IQCM: variants seen among roughly 807,000 people sequenced by gnomAD.
IQCM encodes the protein IQ domain-containing protein M.
In IQCM, 45 loss-of-function variants were observed where a neutral mutation model predicts 57.6. The ratio of observed to expected loss-of-function variants is 0.78; its 90% CI spans 0.62 to 1.00. IQCM has a LOEUF of 1.00. Among genes scored for constraint, IQCM ranks in the 50% least tolerant of loss-of-function variants. The probability of loss-of-function intolerance (pLI) is 0.00; values close to 1 mark genes in which losing one functional copy is unlikely to be tolerated. For synonymous variants in IQCM, 148 were observed against 158.9 expected (o/e 0.93, Z 0.51); for missense variants, 468 against 511.6 (o/e 0.91, Z 0.82).
At chr4:149,676,243 A>AT (rs1561142458) in intron 7 of IQCM, among the ~76,000 whole-genome samples, 1 of 152,068 alleles carries the variant, frequency 6.6e-6, no homozygotes, top group Non-Finnish European at 1.5e-5. Flanking sequence ...GGCTACAGTT[A>AT]TTGTATTTAC....
Position 149,492,960 on chromosome 4 carries a change from C to A in IQCM, c.1228+55495G>T, listed in dbSNP as rs73859751. On this transcript the variant is annotated intron_variant, in intron 12 of 13. Coordinates refer to ENST00000636793, the MANE Select transcript of IQCM (RefSeq NM_001363507.2). ...GACCCCTGACTGCATGTGGCCCATG[C>A]CACTGGTGTGTTCCTGATGTCCATC... is the stretch of plus-strand genomic sequence containing the variant. 2.9e-3 allele frequency among the ~76,000 whole-genome samples: 440 copies of A among 152,214 alleles called. 2 individuals carry two copies. Among genetic ancestry groups the A allele is most frequent in the African/African-American group, 0.01 (424 of 41,566 alleles).
intron 12 of IQCM, among the ~76,000 whole-genome samples, chr4:149,479,512 T>C (rs1740550788): frequency 6.6e-6 from 1 of 152,212 alleles, no homozygotes; most frequent in Non-Finnish European, 1.5e-5. Context: ...ATAGGCACTC[T>C]TATTATTTCC....
chr4:149,778,862 C>T (rs370074733), intron 2 of IQCM, among the ~76,000 whole-genome samples: 11 of 152,038 alleles, frequency 7.2e-5, no homozygotes, highest in East Asian at 1.9e-4. Context: ...TTAACACTCT[C>T]GAAAAAGAAA....
At chr4:149,500,408 A>G (rs116172870) in intron 12 of IQCM, among the ~76,000 whole-genome samples, 13 of 152,346 alleles carry the variant, frequency 8.5e-5, no homozygotes, top group Admixed American at 4.6e-4. Context: ...TTGAAGTTCA[A>G]GATAACAGAG....
At chr4:149,699,817 G>C (rs1440309957) in intron 5 of IQCM, among the ~76,000 whole-genome samples, 1 of 151,372 alleles carries the variant, frequency 6.6e-6, no homozygotes, top group Non-Finnish European at 1.5e-5. Context: ...GATAGACCTA[G>C]GGACCTTTAG....
intron 5 of IQCM, among the ~76,000 whole-genome samples, chr4:149,727,981 G>A (rs1766109221): frequency 6.6e-6 from 1 of 152,172 alleles, no homozygotes; most frequent in African/African-American, 2.4e-5. Flanking sequence ...TATGTTAAGA[G>A]TATTTACACC....
intron 5 of IQCM, among the ~76,000 whole-genome samples, chr4:149,700,636 G>C (rs547848937): frequency 1.3e-5 from 2 of 152,092 alleles, no homozygotes; most frequent in Admixed American, 6.6e-5. Context: ...AAACCATAGA[G>C]TGTGATATAC....
chr4:149,700,755 G>A lies in IQCM; in HGVS notation c.386-14287C>T, dbSNP rs182547720. 1.0e-3 allele frequency among the ~76,000 whole-genome samples: 152 copies of A among 151,966 alleles called. 1 individual carries two copies. The highest frequency in any genetic ancestry group is 3.4e-3 in the African/African-American group (141 of 41,482). On this transcript the variant is annotated intron_variant, in intron 5 of 13. Coordinates refer to ENST00000636793, the MANE Select transcript of IQCM (RefSeq NM_001363507.2). ...CTTCTGTTTCCTCTTTCTTAAAATT[G>A]GTGAGTGATACTTCTGACCATTATA...
intron 10 of IQCM, among the ~76,000 whole-genome samples, chr4:149,554,073 G>C (rs1293972657): frequency 6.6e-6 from 1 of 151,412 alleles, no homozygotes; most frequent in Non-Finnish European, 1.5e-5. Flanking sequence ...TCCTGTTCTT[G>C]ACTTCTTAAA....
intron 12 of IQCM, among the ~76,000 whole-genome samples, chr4:149,459,828 T>C (rs1738084432): frequency 6.6e-6 from 1 of 152,198 alleles, no homozygotes; most frequent in Non-Finnish European, 1.5e-5. Flanking sequence ...TGCTTATCCA[T>C]TTACCCATCA....
rs545990410 is a variant in IQCM at position 149,718,065 on chromosome 4, G to A, written c.385+15179C>T. Among the ~76,000 whole-genome samples the A allele has an allele frequency of 1.4e-4, 21 of 152,260 alleles. No individual in the cohort carries two copies. In the South Asian group the frequency reaches 3.1e-3, roughly 23 times the overall value. ...GCTAGACAGAGAGGTTCATGGCTTT[G>A]GTGAGAGTAAAAGGCCCTCCTGCCT... is the stretch of plus-strand genomic sequence containing the variant. On this transcript the variant is annotated intron_variant, in intron 5 of 13. Transcript: ENST00000636793.
At chr4:149,693,888 C>T (rs1763119469) in intron 5 of IQCM, among the ~76,000 whole-genome samples, 1 of 152,046 alleles carries the variant, frequency 6.6e-6, no homozygotes, top group Non-Finnish European at 1.5e-5. Flanking sequence ...TTAATTGTTC[C>T]CCATTTTGCT....
intron 7 of IQCM, among the ~76,000 whole-genome samples, chr4:149,673,416 G>T (rs1467983555): frequency 6.6e-6 from 1 of 151,940 alleles, no homozygotes; most frequent in Admixed American, 6.6e-5. Context: ...CAAAATAAAG[G>T]GATGGAGGAA....
intron 2 of IQCM, among the ~76,000 whole-genome samples, chr4:149,761,765 G>T (rs1285411523): frequency 6.6e-6 from 1 of 152,084 alleles, no homozygotes; most frequent in Non-Finnish European, 1.5e-5. Context: ...ATAAATTGCA[G>T]TGATTTTGTT....
At chr4:149,666,046 C>A (rs1459299068) in intron 7 of IQCM, 2 of 152,246 alleles carry the variant, frequency 1.3e-5, no homozygotes, top group East Asian at 3.9e-4. Context: ...GGGACTCAGA[C>A]TGGCTTCTTT....
rs371382369 is a variant in IQCM, at chr4:149,399,949, GAC to G, written c.1390+33445_1390+33446del. Among the ~76,000 whole-genome samples, 77 of 151,892 alleles carry G rather than the reference GAC, an allele frequency of 5.1e-4. 3 individuals are homozygous for G. The South Asian group carries it at 0.016, about 31-fold the overall frequency. ...AAAACACCCTGTCATTTTAAGGGTG[GAC>G]ACACACACATGCACACACATACACA... On this transcript the variant is annotated intron_variant, in intron 13 of 13. Coordinates refer to ENST00000636793, the MANE Select transcript of IQCM (RefSeq NM_001363507.2).
chr4:149,776,014 G>C (rs1771055314), intron 2 of IQCM, among the ~76,000 whole-genome samples: 1 of 152,068 alleles, frequency 6.6e-6, no homozygotes, highest in African/African-American at 2.4e-5. Context: ...TAGGAGAGGT[G>C]CTCTTACAAA....
At chr4:149,693,750 T>G (rs183515357) in intron 5 of IQCM, among the ~76,000 whole-genome samples, 1 of 152,366 alleles carries the variant, frequency 6.6e-6, no homozygotes, top group Non-Finnish European at 1.5e-5. Flanking sequence ...TGAAATTTGT[T>G]GACTCCTATT....
rs904096042 is a variant in IQCM at position 149,697,292 on chromosome 4, C to T, written c.386-10824G>A. ...TTCCTCCTCAGGGCTGATTTGTACC[C>T]GTATTCAAGAGTTGATTGTTGTGCT... On this transcript the variant is annotated intron_variant, in intron 5 of 13. Transcript: ENST00000636793. 5.9e-5 allele frequency among the ~76,000 whole-genome samples: 9 copies of T among 152,084 alleles called. No individual in the cohort carries two copies. In the East Asian group the frequency reaches 1.2e-3, roughly 20 times the overall value.
Sources: allele counts gnomAD v4.1 joint callset (sites outside exome capture counted in the v4.1 genomes callset), GRCh38; gene constraint gnomAD v4.1.1; transcripts MANE v1.5; gene names NCBI Gene and HGNC (gene_info 2026-07-23, HGNC 2026-07-21).